Variants in COL25A1 observed in about 807,000 individuals in gnomAD.
The protein encoded by COL25A1 is collagen type XXV alpha 1 chain.
In COL25A1, 103 loss-of-function variants were observed where a neutral mutation model predicts 128.4. The ratio of observed to expected loss-of-function variants is 0.80; its 90% CI spans 0.68 to 0.94. COL25A1 has a LOEUF of 0.94. Among genes scored for constraint, COL25A1 ranks in the 40% least tolerant of loss-of-function variants. The pLI is 0.00. For synonymous variants in COL25A1, 279 were observed against 277.2 expected (o/e 1.01, Z -0.06); for missense variants, 745 against 840.0 (o/e 0.89, Z 1.40).
In COL25A1 at chr4:108,809,982, T is replaced by C. The variant is rs1730666547; in HGVS notation, c.*3945A>G. 6.6e-6 allele frequency: 1 copy of C among 151,970 alleles called. No homozygotes were observed. Among genetic ancestry groups the C allele is most frequent in the African/African-American group, 2.4e-5 (1 of 41,450 alleles). 9.4% of individuals were successfully genotyped at this position (151,970 alleles called of 1,614,324 possible). ...TTACAAATTAGAAAATCCTATTTTT[T>C]TGTAGTGTGAAATATTAATATAATT... On this transcript the variant is annotated 3_prime_UTR_variant, in exon 38 of 38. Transcript: ENST00000399132.
At chr4:109,031,046 C>CAT (rs76164480) in intron 5 of COL25A1, among the ~76,000 whole-genome samples, 75,053 of 151,668 alleles carry the variant, frequency 0.49, 20,350 homozygotes, top group African/African-American at 0.71. Flanking sequence ...GCCAAAACTC[C>CAT]TTTATGCCGT....
In COL25A1 at chr4:108,889,749, G is replaced by GGA; in HGVS notation, c.907-18_907-17dup. The GGA allele has an allele frequency of 6.2e-7, 1 of 1,611,750 alleles. No individual in the cohort carries two copies. Among genetic ancestry groups the GGA allele is most frequent in the Non-Finnish European group, 8.5e-7 (1 of 1,178,122 alleles). On this transcript the variant is annotated splice_polypyrimidine_tract_variant and intron_variant, in intron 16 of 37. Transcript: ENST00000399132. ...CAGGGTCACCCTAAAACGAAACCCA[G>GGA]GAGAGATTATCTCACAAGTTATGGG...
At chr4:108,835,574 G>C (rs1733679077) in intron 31 of COL25A1, among the ~76,000 whole-genome samples, 1 of 148,788 alleles carries the variant, frequency 6.7e-6, no homozygotes, top group South Asian at 2.1e-4. Flanking sequence ...TTTTTTTTGA[G>C]ATGGAGTTTC....
At position 109,301,902 on chromosome 4, in the gene COL25A1, G is replaced by A. The variant is rs758331713; in HGVS notation, c.118C>T (p.Leu40Phe). The change falls in exon 2 of 38, where the codon CTC becomes TTC. Residue 40 changes from leucine (L) to phenylalanine (F), a missense_variant. Leu to Phe is a conservative substitution (Grantham distance 22). This residue lies in a region of COL25A1 where 319 missense variants were observed against 324.9 expected (regional missense o/e 0.98). Coordinates refer to ENST00000399132, the MANE Select transcript of COL25A1 (RefSeq NM_198721.4). ...TMPPCAVLAA[L>F]LSVVAVVSCL... is the part of the protein sequence containing the mutation. ...GACACCACGGCCACCACTGACAGGA[G>A]GGCCGCCAGGACGGCACACGGGGGC... 1.2e-5 allele frequency: 19 copies of A among 1,614,032 alleles called. No homozygotes were observed. The highest frequency in any genetic ancestry group is 1.5e-5 in the Non-Finnish European group (18 of 1,180,044).
intron 5 of COL25A1, among the ~76,000 whole-genome samples, chr4:109,011,655 T>C (rs1379869553): frequency 6.6e-6 from 1 of 152,262 alleles, no homozygotes; most frequent in Admixed American, 6.5e-5. Context: ...TCACAACTTA[T>C]ATAAATTTAT....
chr4:109,045,467 T>C (rs1436852035), intron 5 of COL25A1, among the ~76,000 whole-genome samples: 1 of 152,202 alleles, frequency 6.6e-6, no homozygotes, highest in East Asian at 1.9e-4. Flanking sequence ...AATAATCCCA[T>C]TGTTCATTAA....
At chr4:109,114,509 T>A (rs901743466) in intron 3 of COL25A1, among the ~76,000 whole-genome samples, 6 of 151,982 alleles carry the variant, frequency 3.9e-5, no homozygotes, top group Non-Finnish European at 4.4e-5. Flanking sequence ...CAAAAAGTGA[T>A]GTAGAATGGA....
Position 108,819,307 on chromosome 4 carries a change from T to C in COL25A1, c.1868A>G (p.Glu623Gly). The change falls in exon 36 of 38, where the codon GAA becomes GGA. Residue 623 changes from glutamate to glycine, a missense_variant. Transcript: ENST00000399132. ...GEKGFRGVKGEKGEPGQPGLD... is the reference protein window; with the variant it reads ...GEKGFRGVKGGKGEPGQPGLD... ...GCCAGGCTGGCCTGGCTCCCCTTTT[T>C]CCCCCTTAACGCCACGGAATCCCTG... 6.2e-7 allele frequency: 1 copy of C among 1,613,346 alleles called. No homozygotes were observed. Among genetic ancestry groups the C allele is most frequent in the East Asian group, 2.2e-5 (1 of 44,832 alleles).
intron 3 of COL25A1, among the ~76,000 whole-genome samples, chr4:109,196,373 G>T (rs74819068): frequency 6.6e-6 from 1 of 151,918 alleles, no homozygotes; most frequent in Non-Finnish European, 1.5e-5. Flanking sequence ...TAAAAATATC[G>T]TATGCATTAT....
intron 3 of COL25A1, among the ~76,000 whole-genome samples, chr4:109,053,944 G>A (rs1310859778): frequency 1.3e-5 from 2 of 152,090 alleles, no homozygotes; most frequent in African/African-American, 4.8e-5. Flanking sequence ...GCTTAGGTGC[G>A]TTGTCATAAA....
intron 5 of COL25A1, among the ~76,000 whole-genome samples, chr4:109,019,367 CACACACACAT>C (rs1384887823): frequency 4.5e-5 from 5 of 110,640 alleles, no homozygotes; most frequent in Non-Finnish European, 9.1e-5. Context: ...CACACACACA[CACACACACAT>C]ATATATATAT....
chr4:109,151,509 C>T (rs533469363), intron 3 of COL25A1, among the ~76,000 whole-genome samples: 1 of 151,988 alleles, frequency 6.6e-6, no homozygotes, highest in Non-Finnish European at 1.5e-5. Flanking sequence ...ATGCCAGTAA[C>T]CTTATTTTTA....
chr4:109,065,881 T>C (rs911435685), intron 3 of COL25A1, among the ~76,000 whole-genome samples: 1 of 152,266 alleles, frequency 6.6e-6, no homozygotes, highest in East Asian at 1.9e-4. Flanking sequence ...AATGATGAAA[T>C]GCAATATGGT....
intron 8 of COL25A1, among the ~76,000 whole-genome samples, chr4:108,955,740 A>AT (rs1412723241): frequency 4.0e-5 from 6 of 151,506 alleles, no homozygotes; most frequent in Non-Finnish European, 8.8e-5. Flanking sequence ...TAATAGATCT[A>AT]TTTTTTCAGT....
intron 3 of COL25A1, among the ~76,000 whole-genome samples, chr4:109,233,206 C>T (rs1006547030): frequency 7.9e-5 from 12 of 152,124 alleles, no homozygotes; most frequent in African/African-American, 1.4e-4. Flanking sequence ...TCACTTAGCA[C>T]AACAGAGGAA....
chr4:109,152,437 C>T (rs1169518177), intron 3 of COL25A1, among the ~76,000 whole-genome samples: 2 of 152,110 alleles, frequency 1.3e-5, no homozygotes, highest in African/African-American at 2.4e-5. Context: ...GCACATTTTT[C>T]CCTAAAAATT....
At chr4:109,008,432 C>G (rs946132740) in intron 6 of COL25A1, among the ~76,000 whole-genome samples, 8 of 152,220 alleles carry the variant, frequency 5.3e-5, no homozygotes, top group Admixed American at 1.3e-4. Flanking sequence ...TCTCCACTCT[C>G]TCACGATGCT....
chr4:108,972,696 G>A (rs759971089), intron 8 of COL25A1, among the ~76,000 whole-genome samples: 2 of 152,146 alleles, frequency 1.3e-5, no homozygotes, highest in Non-Finnish European at 2.9e-5. Context: ...CTTTCCACCT[G>A]AAATGCTAAA....
chr4:109,131,512 C>T (rs148401848), intron 3 of COL25A1, among the ~76,000 whole-genome samples: 95 of 152,278 alleles, frequency 6.2e-4, no homozygotes, highest in African/African-American at 2.3e-3. Context: ...TTTAACACCA[C>T]ATATTTCATA....
Sources: gnomAD v4.1 joint callset for allele counts (sites outside exome capture counted in the v4.1 genomes callset) on GRCh38, gnomAD v4.1.1 for gene constraint, gnomAD v4.1.1 regional missense constraint, MANE v1.5 for transcripts, NCBI Gene and HGNC (gene_info 2026-07-23, HGNC 2026-07-21) for gene names.